ZNF560: variants seen among roughly 807,000 people sequenced by gnomAD.
The protein encoded by ZNF560 is zinc finger protein 560.
Under a neutral mutation model 81.8 loss-of-function variants are expected in ZNF560, and 54 were observed. The ratio of observed to expected loss-of-function variants is 0.66; its 90% confidence interval spans 0.53 to 0.83. The LOEUF is 0.83. Ranked by LOEUF, ZNF560 falls within the 40% of genes least tolerant of loss-of-function variation. ZNF560 has a pLI of 0.00. For synonymous variants in ZNF560, 321 were observed against 317.9 expected (o/e 1.01, Z -0.10); for missense variants, 940 against 932.4 (o/e 1.01, Z -0.11).
chr19:9,504,966 T>C, the ZNF560 span, among the ~76,000 whole-genome samples: 1 of 152,238 alleles, frequency 6.6e-6, no homozygotes, highest in East Asian at 1.9e-4. Context: ...ACACCTGTAG[T>C]CCCAGCTACT....
upstream of ZNF560, among the ~76,000 whole-genome samples, chr19:9,502,703 A>G (rs2073642087): frequency 6.6e-6 from 1 of 152,312 alleles, no homozygotes; most frequent in Non-Finnish European, 1.5e-5. Context: ...GTGTTTCTAG[A>G]AATGTGTCCA....
chr19:9,482,812 G>A (rs764017803), intron 2 of ZNF560, among the ~76,000 whole-genome samples: 172 of 152,068 alleles, frequency 1.1e-3, no homozygotes, highest in African/African-American at 3.8e-3. Flanking sequence ...GCAGGCGTGC[G>A]CCACCATGCC....
chr19:9,451,071 C>G, the ZNF560 span, among the ~76,000 whole-genome samples: 1 of 152,100 alleles, frequency 6.6e-6, no homozygotes, highest in Non-Finnish European at 1.5e-5. Flanking sequence ...AGATTCAACA[C>G]TATTCCTATC....
chr19:9,488,612 A>G (rs749844959), intron 2 of ZNF560, among the ~76,000 whole-genome samples: 11 of 150,486 alleles, frequency 7.3e-5, no homozygotes, highest in Admixed American at 2.0e-4. Context: ...AAAAAAGCTC[A>G]CACAACAAAA....
chr19:9,488,637 A>G (rs918651967), intron 2 of ZNF560, among the ~76,000 whole-genome samples: 3 of 152,120 alleles, frequency 2.0e-5, no homozygotes, highest in Admixed American at 2.0e-4. Context: ...TCCAACTCTG[A>G]TAATATATCA....
At chr19:9,463,555 G>A (rs959733942), downstream of ZNF560, among the ~76,000 whole-genome samples, 3 of 152,208 alleles carry the variant, frequency 2.0e-5, no homozygotes, top group African/African-American at 7.2e-5. Context: ...TTGTGTCACT[G>A]GTAACAGTTA....
chr19:9,479,561 T>C lies in ZNF560; in HGVS notation c.-56-4192A>G, dbSNP rs555406911. Among the ~76,000 whole-genome samples, 22 of 152,204 alleles carry C rather than the reference T, an allele frequency of 1.4e-4. No individual in the cohort carries two copies. In the East Asian group the frequency reaches 2.7e-3, roughly 19 times the overall value. On this transcript the variant is annotated intron_variant, in intron 2 of 9. Coordinates refer to ENST00000301480, the MANE Select transcript of ZNF560 (RefSeq NM_152476.3). Reference sequence around the variant, plus strand: ...CAATAAGATAGAATAATTATAAATATACAATTGGCCATCTGAATTCATGAG... The same window carrying C: ...CAATAAGATAGAATAATTATAAATACACAATTGGCCATCTGAATTCATGAG...
intron 9 of ZNF560, among the ~76,000 whole-genome samples, chr19:9,468,758 C>T (rs887197894): frequency 1.3e-4 from 18 of 138,194 alleles, no homozygotes; most frequent in South Asian, 2.2e-4. Context: ...GATGGGGTTA[C>T]GCTCTGTTGC....
Position 9,468,240 on chromosome 19 carries a change from T to G in ZNF560, c.707A>C (p.Gln236Pro), listed in dbSNP as rs1416132104. ...ACATTCAGACGTGTTGCCTCTATTT[T>G]GAGTACTCATGTTGGTCTTAAGGCA... ...HPCLKTNMSTQNRGNTSECIQ... is the reference protein window; with the variant it reads ...HPCLKTNMSTPNRGNTSECIQ... Residue 236 changes from glutamine to proline, a missense_variant, in exon 10 of 10, where the codon CAA becomes CCA. Coordinates refer to ENST00000301480, the MANE Select transcript of ZNF560 (RefSeq NM_152476.3). The G allele has an allele frequency of 3.1e-6, 5 of 1,614,148 alleles. No homozygotes were observed. Among genetic ancestry groups the G allele is most frequent in the Non-Finnish European group, 3.4e-6 (4 of 1,180,010 alleles).
rs57811230 is a variant in ZNF560 at position 9,466,906 on chromosome 19, C to A, written c.2041G>T (p.Glu681Ter). The A allele has an allele frequency of 1.9e-6, 3 of 1,613,962 alleles. No homozygotes were observed. Among genetic ancestry groups the A allele is most frequent in the Admixed American group, 3.3e-5 (2 of 60,006 alleles). ...CATGCGTTACATTCAGAGGTCTTCTCTGCTGCATGAGTTTTTAAGTGTTGA... is the reference window on the plus strand; with the variant it reads ...CATGCGTTACATTCAGAGGTCTTCTATGCTGCATGAGTTTTTAAGTGTTGA... The part of the protein sequence containing the change: ...LTQHLKTHAA[E>*]KTSECNACGN... The change falls in exon 10 of 10, where the codon GAG (glutamate) becomes TAG (stop). Residue 681 changes from glutamate (E) to a stop codon, truncating the protein, a stop_gained. Coordinates refer to ENST00000301480, the MANE Select transcript of ZNF560 (RefSeq NM_152476.3). LOFTEE classifies it high-confidence loss of function.
chr19:9,483,512 G>C (rs2073330980), intron 2 of ZNF560, among the ~76,000 whole-genome samples: 1 of 149,144 alleles, frequency 6.7e-6, no homozygotes, highest in African/African-American at 2.5e-5. Flanking sequence ...CGCCCGGCCA[G>C]CCGCCCCGTC....
At chr19:9,503,312 CAT>C (rs2073646443), upstream of ZNF560, among the ~76,000 whole-genome samples, 1 of 152,108 alleles carries the variant, frequency 6.6e-6, no homozygotes, top group Non-Finnish European at 1.5e-5. Context: ...TTTTTCTCTA[CAT>C]GTTTTCTTTT....
At chr19:9,476,924 C>T (rs1168111602) in intron 2 of ZNF560, among the ~76,000 whole-genome samples, 1 of 152,048 alleles carries the variant, frequency 6.6e-6, no homozygotes, top group African/African-American at 2.4e-5. Context: ...TTTTGTGATT[C>T]CAAGGACATA....
chr19:9,454,010 A>G, the ZNF560 span, among the ~76,000 whole-genome samples: 2 of 152,218 alleles, frequency 1.3e-5, no homozygotes, highest in Admixed American at 1.3e-4. Flanking sequence ...TGATGCACAC[A>G]CTGGAGGTTG....
chr19:9,495,712 G>A (rs1484399435), intron 2 of ZNF560, among the ~76,000 whole-genome samples: 1 of 151,954 alleles, frequency 6.6e-6, no homozygotes. Context: ...GTCTCAAAAA[G>A]TCGGGGGCGG....
At chr19:9,470,570 T>C (rs749454336) in intron 6 of ZNF560, 52 bp from the exon 7 acceptor site, 40 of 1,613,878 alleles carry the variant, frequency 2.5e-5, no homozygotes, top group Non-Finnish European at 3.3e-5. Context: ...TCCACCAATG[T>C]TGGCTGAAGA....
At chr19:9,481,436 C>T (rs541299070) in intron 2 of ZNF560, among the ~76,000 whole-genome samples, 4 of 152,168 alleles carry the variant, frequency 2.6e-5, no homozygotes, top group Non-Finnish European at 5.9e-5. Flanking sequence ...TCTAATTAAA[C>T]TAAACAGCTT....
upstream of ZNF560, among the ~76,000 whole-genome samples, chr19:9,501,157 T>A (rs1170183981): frequency 1.1e-5 from 1 of 92,854 alleles, no homozygotes; most frequent in South Asian, 4.1e-4. Flanking sequence ...TCTCTTTAGC[T>A]TTTTTTTTTT....
Position 9,469,123 on chromosome 19 carries a change from T to C in ZNF560, c.594A>G (p.Thr198=). The change falls in exon 9 of 10, where the codon ACA becomes ACG. Residue 198 remains threonine (T), a synonymous_variant. Transcript: ENST00000301480. ...ALWQDNFCLK[T]LNGIQLARNQ... is the part of the protein sequence containing the mutation. ...ATCTTACCAACTGTATCCCATTTAA[T>C]GTTTTTAAACAAAAATTATCTTGCC... The C allele has an allele frequency of 1.3e-6, 2 of 1,593,800 alleles. No individual in the cohort carries two copies. The highest frequency in any genetic ancestry group is 2.3e-5 in the South Asian group (2 of 86,880).
Sources: gnomAD v4.1 joint callset for allele counts (sites outside exome capture counted in the v4.1 genomes callset) on GRCh38, gnomAD v4.1.1 for gene constraint, MANE v1.5 for transcripts, NCBI Gene and HGNC (gene_info 2026-07-23, HGNC 2026-07-21) for gene names.